Variants in KDR observed in about 807,000 individuals in gnomAD.
KDR encodes vascular endothelial growth factor receptor 2.
A neutral mutation model predicts 160.9 loss-of-function variants in KDR; 43 were observed. The observed-to-expected ratio is 0.27, with a 90% CI of 0.21 to 0.34. The LOEUF is 0.34. Ranked by LOEUF, KDR falls within the 10% of genes least tolerant of loss-of-function variation. The pLI is 1.00. For missense variants in KDR, 1,469 were observed against 1,666.4 expected (o/e 0.88, Z 2.06); for synonymous variants, 617 against 600.1 (o/e 1.03, Z -0.41).
intron 14 of KDR, 74 bp from the exon 15 acceptor site, chr4:55,102,102 A>T: frequency 6.3e-7 from 1 of 1,590,464 alleles, no homozygotes; most frequent in Non-Finnish European, 8.6e-7. Flanking sequence ...AAATTTAGAA[A>T]ATATAAATGC....
At chr4:55,089,112 G>C (rs1348742469) in intron 25 of KDR, 139 bp from the exon 26 acceptor site, 1 of 746,320 alleles carries the variant, frequency 1.3e-6, no homozygotes, top group Non-Finnish European at 2.4e-6. Flanking sequence ...GTAAGACACA[G>C]AGTCCCATAC....
At position 55,121,052 on chromosome 4, in the gene KDR, TCA is replaced by T. The variant is rs761857783; in HGVS notation, c.161+43_161+44del. The T allele has an allele frequency of 3.1e-6, 4 of 1,284,304 alleles. No homozygotes were observed. In the East Asian group the frequency reaches 9.2e-5, roughly 30 times the overall value. The allele number at this position is 1,284,304 out of a possible 1,614,324, so 79.6% of individuals were successfully genotyped here. On this transcript the variant is annotated intron_variant, in intron 2 of 29. Transcript: ENST00000263923. ...GAAATTATTTCCACTCAATAAACAA[TCA>T]GTTACTTAACACAAGAAATCTAGAT... is the stretch of plus-strand genomic sequence containing the variant.
rs1184230909 is a variant in KDR, at chr4:55,121,083, G to A, written c.161+14C>T. The A allele has an allele frequency of 6.5e-7, 1 of 1,549,984 alleles. No individual in the cohort carries two copies. Among genetic ancestry groups the A allele is most frequent in the East Asian group, 2.2e-5 (1 of 44,556 alleles). Reference sequence around the variant, plus strand: ...ACTTAACACAAGAAATCTAGATCTAGAATGAATCCTTACCTGCAAGTAATT... The same window carrying A: ...ACTTAACACAAGAAATCTAGATCTAAAATGAATCCTTACCTGCAAGTAATT... On this transcript the variant is annotated intron_variant, in intron 2 of 29. Transcript: ENST00000263923.
Position 55,125,435 on chromosome 4 carries a change from C to T in KDR, c.-142G>A, listed in dbSNP as rs1162290886. 3.8e-6 allele frequency: 4 copies of T among 1,058,346 alleles called. No homozygotes were observed. In the African/African-American group the frequency reaches 4.7e-5, roughly 13 times the overall value. 65.6% of individuals were successfully genotyped at this position (1,058,346 alleles called of 1,614,324 possible). ...GTTGAGCGCACAGGGCTAGGGAGCC[C>T]GGGCGCCGACCGCGGCTGCAGGGGC... On this transcript the variant is annotated 5_prime_UTR_variant, in exon 1 of 30. Coordinates refer to ENST00000263923, the MANE Select transcript of KDR (RefSeq NM_002253.4).
Position 55,082,611 on chromosome 4 carries a change from T to C in KDR, c.3687A>G (p.Arg1229=), listed in dbSNP as rs764721295. The part of the protein sequence containing the change: ...GISQYLQNSK[R]KSRPVSVKTF... ...TTTTTACACTCACAGGCCGGCTCTT[T>C]CGCTTACTGTTCTGCAGATACTGAC... Residue 1229 remains arginine (R), a synonymous_variant, in exon 28 of 30, where the codon CGA becomes CGG. Coordinates refer to ENST00000263923, the MANE Select transcript of KDR (RefSeq NM_002253.4). The C allele has an allele frequency of 1.9e-6, 3 of 1,613,892 alleles. No individual in the cohort carries two copies. Among genetic ancestry groups the C allele is most frequent in the Non-Finnish European group, 2.5e-6 (3 of 1,179,920 alleles).
intron 29 of KDR, among the ~76,000 whole-genome samples, chr4:55,080,475 G>T (rs1272401880): frequency 6.6e-6 from 1 of 152,210 alleles, no homozygotes; most frequent in African/African-American, 2.4e-5. Flanking sequence ...TGGCCTCGCA[G>T]ATTGACAAAT....
rs758699792 is a variant in KDR, at chr4:55,082,038, T to C, written c.3766A>G (p.Asn1256Asp). ...AGAACCATACCACTGTCCGTCTGGT[T>C]GTCCTTTTTAAGAGACAATGAGATG... is the stretch of plus-strand genomic sequence containing the variant. Reference protein sequence around the residue: ...EPEVKVIPDDNQTDSGMVLAS... With the variant: ...EPEVKVIPDDDQTDSGMVLAS... The change falls in exon 29 of 30, where the codon AAC (asparagine) becomes GAC (aspartate). Residue 1256 changes from asparagine to aspartate, a missense_variant. Physicochemically the swap from Asn to Asp is conservative, Grantham distance 23. Around this residue, in one of 7 missense-constraint regions of KDR, gnomAD observed 229 missense variants for 197.8 expected, o/e 1.16. Transcript: ENST00000263923. The C allele has an allele frequency of 1.7e-5, 28 of 1,612,468 alleles. No individual in the cohort carries two copies. The South Asian group carries it at 2.6e-4, about 15-fold the overall frequency.
intron 15 of KDR, among the ~76,000 whole-genome samples, chr4:55,101,341 C>T (rs745420587): frequency 6.6e-6 from 1 of 152,128 alleles, no homozygotes; most frequent in Non-Finnish European, 1.5e-5. Context: ...ATTATGTTTG[C>T]TGGTTAAAAG....
chr4:55,103,684 G>T (rs1378354505), intron 13 of KDR, among the ~76,000 whole-genome samples: 3 of 152,090 alleles, frequency 2.0e-5, no homozygotes, highest in African/African-American at 7.2e-5. Flanking sequence ...CTGTCAGAAG[G>T]TGCCTCTTCA....
rs758778611 is a variant in KDR, at chr4:55,106,755, C to T, written c.1468G>A (p.Asp490Asn). ...YPCEEWRSVE[D>N]FQGGNKIEVN... ...TCAATTTTATTTCCTCCCTGGAAGT[C>T]CTCCACACTTCTCCATTCTTCACAA... Residue 490 changes from aspartate (D) to asparagine (N), a missense_variant, in exon 11 of 30, where the codon GAC (aspartate) becomes AAC (asparagine). By Grantham distance (23) the Asp-to-Asn change is conservative. Around this residue, in one of 7 missense-constraint regions of KDR, gnomAD observed 792 missense variants for 840.9 expected, o/e 0.94. Transcript: ENST00000263923. The T allele has an allele frequency of 5.0e-6, 8 of 1,596,432 alleles. No homozygotes were observed. The Admixed American group carries it at 6.7e-5, about 13-fold the overall frequency.
Position 55,107,874 on chromosome 4 carries a change from C to T in KDR, c.1275G>A (p.Glu425=), listed in dbSNP as rs2110025416. The change falls in exon 10 of 30, where the codon GAG becomes GAA. Residue 425 remains glutamate (E), a synonymous_variant. Coordinates refer to ENST00000263923, the MANE Select transcript of KDR (RefSeq NM_002253.4). ...AATCCACAGGAGAGATTAGAGATTT[C>T]TCACCAATCTGGGGTGGGACTGAAG... The part of the protein sequence containing the change: ...LVVYVPPQIG[E]KSLISPVDSY... 3 of 1,613,932 alleles carry T rather than the reference C, an allele frequency of 1.9e-6. No homozygotes were observed. Among genetic ancestry groups the T allele is most frequent in the Non-Finnish European group, 2.5e-6 (3 of 1,179,888 alleles).
At position 55,104,636 on chromosome 4, in the gene KDR, T is replaced by C; in HGVS notation, c.1987+7A>G. The C allele has an allele frequency of 6.2e-6, 10 of 1,611,474 alleles. No individual in the cohort carries two copies. The highest frequency in any genetic ancestry group is 8.5e-6 in the Non-Finnish European group (10 of 1,178,176). On this transcript the variant is annotated splice_region_variant and intron_variant, in intron 13 of 29. Coordinates refer to ENST00000263923, the MANE Select transcript of KDR (RefSeq NM_002253.4). ...CTCTGCACAATGATCCAGAATTGTC[T>C]CCCTACCTAGGACTGTGAGCTGCCT...
chr4:55,100,979 G>C (rs985680571), intron 15 of KDR, among the ~76,000 whole-genome samples: 1 of 151,824 alleles, frequency 6.6e-6, no homozygotes, highest in Non-Finnish European at 1.5e-5. Flanking sequence ...CTAAGAAAAT[G>C]ACAGATTTCA....
intron 12 of KDR, among the ~76,000 whole-genome samples, chr4:55,105,579 C>T (rs1212996569): frequency 1.3e-5 from 2 of 152,160 alleles, no homozygotes; most frequent in African/African-American, 4.8e-5. Flanking sequence ...ATGTAAATAC[C>T]ACACAGAGCT....
Position 55,114,976 on chromosome 4 carries a change from T to C in KDR, c.556A>G (p.Thr186Ala). ...TAGCTGATCATGTAGCTGGGAATAGTAAAGCCCTTCTTGCTGTCCCAGGAA... is the reference window on the plus strand; with the variant it reads ...TAGCTGATCATGTAGCTGGGAATAGCAAAGCCCTTCTTGCTGTCCCAGGAA... ...RISWDSKKGF[T>A]IPSYMISYAG... The change falls in exon 5 of 30, where the codon ACT becomes GCT. Residue 186 changes from threonine (T) to alanine (A), a missense_variant. Physicochemically the swap from Thr to Ala is moderately conservative, Grantham distance 58. Transcript: ENST00000263923. The C allele has an allele frequency of 2.5e-6, 4 of 1,613,760 alleles. No individual in the cohort carries two copies. Among genetic ancestry groups the C allele is most frequent in the Admixed American group, 1.7e-5 (1 of 59,998 alleles).
chr4:55,116,939 T>G (rs1720750805), intron 3 of KDR, among the ~76,000 whole-genome samples: 1 of 152,182 alleles, frequency 6.6e-6, no homozygotes, highest in Non-Finnish European at 1.5e-5. Flanking sequence ...GCCCAACTCC[T>G]AGAACTTTAA....
Position 55,089,973 on chromosome 4 carries a change from A to G in KDR, c.3175T>C (p.Tyr1059His). 4 of 1,614,154 alleles carry G rather than the reference A, an allele frequency of 2.5e-6. No individual in the cohort carries two copies. Among genetic ancestry groups the G allele is most frequent in the Non-Finnish European group, 3.4e-6 (4 of 1,179,968 alleles). Residue 1059 changes from tyrosine (Y) to histidine (H), a missense_variant, in exon 23 of 30, where the codon TAT becomes CAT. Tyr to His is a moderately conservative substitution (Grantham distance 83). This residue lies in a region of KDR where 132 missense variants were observed against 195.9 expected (regional missense o/e 0.67). Transcript: ENST00000263923. Reference sequence around the variant, plus strand: ...AAACTTACATCTCCTTTTCTGACATAATCTGGATCTTTATAAATATCCCGG... The same window carrying G: ...AAACTTACATCTCCTTTTCTGACATGATCTGGATCTTTATAAATATCCCGG... Reference protein sequence around the residue: ...LARDIYKDPDYVRKGDARLPL... With the variant: ...LARDIYKDPDHVRKGDARLPL...
In KDR at chr4:55,118,607, G is replaced by C. The variant is rs1225168180; in HGVS notation, c.355C>G (p.Gln119Glu). 6.2e-7 allele frequency: 1 copy of C among 1,611,964 alleles called. No homozygotes were observed. The highest frequency in any genetic ancestry group is 1.3e-5 in the African/African-American group (1 of 75,002). Residue 119 changes from glutamine to glutamate, a missense_variant, in exon 3 of 30, where the codon CAA becomes GAA. Gln to Glu is a conservative substitution (Grantham distance 29). This residue lies in a region of KDR where 792 missense variants were observed against 840.9 expected (regional missense o/e 0.94). Transcript: ENST00000263923. The part of the protein sequence containing the change: ...DLASVIYVYV[Q>E]DYRSPFIASV... ...TGAATTTTATTTCACCACTTACCTT[G>C]AACATAGACATAAATGACCGAGGCC...
intron 16 of KDR, 142 bp downstream of exon 16, chr4:55,098,555 G>T: frequency 1.3e-6 from 1 of 753,028 alleles, no homozygotes; most frequent in Non-Finnish European, 2.3e-6. Context: ...AAAAGAAAGT[G>T]GGCAGGAACG....
Sources: allele counts gnomAD v4.1 joint callset (sites outside exome capture counted in the v4.1 genomes callset), GRCh38; gene constraint gnomAD v4.1.1; regional missense constraint gnomAD v4.1.1; transcripts MANE v1.5; gene names NCBI Gene and HGNC (gene_info 2026-07-23, HGNC 2026-07-21).